PPP1R12B: variants seen among roughly 807,000 people sequenced by gnomAD.
The protein encoded by PPP1R12B is myosin phosphatase target subunit 2.
Under a neutral mutation model 126.1 loss-of-function variants are expected in PPP1R12B, and 76 were observed. The ratio of observed to expected loss-of-function variants is 0.60; its 90% confidence interval spans 0.50 to 0.73. The LOEUF (loss-of-function observed/expected upper bound fraction) is 0.73. PPP1R12B is among the 30% of genes least tolerant of loss of function. The pLI is 0.00. For synonymous variants in PPP1R12B, 356 were observed against 434.7 expected, an observed-to-expected ratio of 0.82 and a Z score of 2.25; for missense variants, 1,052 against 1,205.1, an observed-to-expected ratio of 0.87 and a Z score of 1.88.
chr1:202,489,992 C>G (rs1014885735), intron 14 of PPP1R12B, among the ~76,000 whole-genome samples: 2 of 152,106 alleles, frequency 1.3e-5, no homozygotes, highest in African/African-American at 4.8e-5. Flanking sequence ...GTTTACCAAG[C>G]CTGGAAGCAA....
chr1:202,432,427 C>T lies in PPP1R12B; in HGVS notation c.1141+808C>T, dbSNP rs562535942. 9.9e-5 allele frequency among the ~76,000 whole-genome samples: 15 copies of T among 152,098 alleles called. 1 individual carries two copies. The South Asian group carries it at 3.1e-3, about 32-fold the overall frequency. On this transcript the variant is annotated intron_variant, in intron 8 of 23. Transcript: ENST00000608999. ...GGACTACAGGTGTGCACCATCATGCCCAGCTAATTTTAGTATTTTTAGTAG... is the reference window on the plus strand; with the variant it reads ...GGACTACAGGTGTGCACCATCATGCTCAGCTAATTTTAGTATTTTTAGTAG...
chr1:202,450,133 C>G (rs1672757796), intron 13 of PPP1R12B, among the ~76,000 whole-genome samples: 1 of 152,142 alleles, frequency 6.6e-6, no homozygotes, highest in African/African-American at 2.4e-5. Flanking sequence ...GTTGACTTCT[C>G]TGGCAGCAAA....
intron 13 of PPP1R12B, among the ~76,000 whole-genome samples, chr1:202,468,507 G>C (rs1422068501): frequency 6.6e-6 from 1 of 152,132 alleles, no homozygotes; most frequent in Non-Finnish European, 1.5e-5. Context: ...TCATCCCCTT[G>C]CAACATTTTA....
chr1:202,385,526 G>A (rs867726663), intron 1 of PPP1R12B, among the ~76,000 whole-genome samples: 1 of 152,068 alleles, frequency 6.6e-6, no homozygotes, highest in Admixed American at 6.6e-5. Context: ...GTTGTTTCTC[G>A]AGTTTTTTAG....
chr1:202,503,576 G>A (rs756946788), intron 18 of PPP1R12B, among the ~76,000 whole-genome samples: 1 of 152,142 alleles, frequency 6.6e-6, no homozygotes, highest in Non-Finnish European at 1.5e-5. Flanking sequence ...ACCACGAAGA[G>A]AATGAATGTA....
At chr1:202,372,225 C>T (rs1365240768) in intron 1 of PPP1R12B, among the ~76,000 whole-genome samples, 18 of 151,970 alleles carry the variant, frequency 1.2e-4, no homozygotes, top group East Asian at 3.9e-4. Context: ...AATTTTTGGC[C>T]GGTTCCAGTG....
chr1:202,434,622 T>A, intron 8 of PPP1R12B, 34 bp from the exon 9 acceptor site: 1 of 1,590,692 alleles, frequency 6.3e-7, no homozygotes, highest in Non-Finnish European at 8.5e-7. Flanking sequence ...ATTTTTATAC[T>A]AGTACTTGTT....
At position 202,422,716 on chromosome 1, in the gene PPP1R12B, T is replaced by C; in HGVS notation, c.519T>C (p.Leu173=). 1 of 1,613,772 alleles carries C rather than the reference T, an allele frequency of 6.2e-7. No homozygotes were observed. Residue 173 remains leucine (L), a synonymous_variant, in exon 3 of 24, where the codon CTT becomes CTC. Coordinates refer to ENST00000608999, the MANE Select transcript of PPP1R12B (RefSeq NM_002481.4). ...LAEEPAMKDL[L]LEQVKKQGVD... is the part of the protein sequence containing the mutation. The stretch of plus-strand genomic sequence containing the variant: ...AAGAGCCAGCCATGAAGGATCTTCT[T>C]CTGGAGCAAGTAAAGAAGCAAGGTA...
intron 13 of PPP1R12B, among the ~76,000 whole-genome samples, chr1:202,462,048 T>C (rs1674370444): frequency 6.6e-6 from 1 of 152,288 alleles, no homozygotes; most frequent in East Asian, 1.9e-4. Context: ...CTCAATACTA[T>C]GCAGTAGTGG....
intron 8 of PPP1R12B, among the ~76,000 whole-genome samples, chr1:202,433,584 A>G (rs113327128): frequency 6.0e-4 from 92 of 152,310 alleles, no homozygotes; most frequent in African/African-American, 2.0e-3. Context: ...TTTTGGCCAA[A>G]CTGGACTGCT....
chr1:202,439,562 G>A (rs566724982), intron 10 of PPP1R12B: 708 of 1,474,894 alleles, frequency 4.8e-4, no homozygotes, highest in Non-Finnish European at 5.5e-4. Context: ...CTCCTGCCAG[G>A]AACTGACCAC....
intron 13 of PPP1R12B, among the ~76,000 whole-genome samples, chr1:202,452,762 A>G (rs1383553067): frequency 3.9e-5 from 6 of 151,926 alleles, no homozygotes; most frequent in Admixed American, 1.3e-4. Context: ...TTTTCCAAAT[A>G]TAAGATTATC....
chr1:202,532,290 C>T (rs1386822630), intron 18 of PPP1R12B, among the ~76,000 whole-genome samples: 1 of 152,200 alleles, frequency 6.6e-6, no homozygotes, highest in Non-Finnish European at 1.5e-5. Context: ...TGGGTTTTGG[C>T]TGGCTTCTTT....
chr1:202,438,727 T>C, intron 10 of PPP1R12B: 1 of 669,148 alleles, frequency 1.5e-6, no homozygotes, highest in Non-Finnish European at 2.7e-6. Context: ...CCGTGCATTT[T>C]GCAGACGTCG....
intron 18 of PPP1R12B, among the ~76,000 whole-genome samples, chr1:202,512,634 A>G (rs1388609660): frequency 1.3e-5 from 2 of 152,138 alleles, no homozygotes; most frequent in Admixed American, 6.5e-5. Flanking sequence ...AATGTATATA[A>G]AGGGTTTAGC....
At position 202,495,487 on chromosome 1, in the gene PPP1R12B, G is replaced by T. The variant is rs1013210300; in HGVS notation, c.2335+5G>T. The T allele has an allele frequency of 1.9e-6, 3 of 1,607,012 alleles. No individual in the cohort carries two copies. Among genetic ancestry groups the T allele is most frequent in the African/African-American group, 1.3e-5 (1 of 74,670 alleles). On this transcript the variant is annotated splice_donor_5th_base_variant and intron_variant, in intron 16 of 23. Transcript: ENST00000608999. ...CAAAGGAAATGGACAAAAATGGTAT[G>T]TAGAACTTCAAAAGACACAGGCCCC...
chr1:202,423,511 A>G (rs1015484533), intron 3 of PPP1R12B, among the ~76,000 whole-genome samples: 1 of 152,236 alleles, frequency 6.6e-6, no homozygotes, highest in African/African-American at 2.4e-5. Context: ...TTTGTGCCAC[A>G]ACAGCAGAGT....
intron 15 of PPP1R12B, among the ~76,000 whole-genome samples, chr1:202,494,871 C>G (rs1679344512): frequency 6.6e-6 from 1 of 152,162 alleles, no homozygotes; most frequent in Admixed American, 6.5e-5. Flanking sequence ...CTCAGGTAAT[C>G]CCTACATTCT....
intron 18 of PPP1R12B, among the ~76,000 whole-genome samples, chr1:202,524,348 C>A (rs1683096879): frequency 6.6e-6 from 1 of 152,112 alleles, no homozygotes; most frequent in African/African-American, 2.4e-5. Context: ...GGGAAGAAAA[C>A]TAGGAAGCCA....
Sources: allele counts gnomAD v4.1 joint callset (sites outside exome capture counted in the v4.1 genomes callset), GRCh38; gene constraint gnomAD v4.1.1; transcripts MANE v1.5; gene names NCBI Gene and HGNC (gene_info 2026-07-23, HGNC 2026-07-21).